Variants in RGS20 observed in about 807,000 individuals in gnomAD.
RGS20 encodes the protein regulator of G protein signaling 20.
RGS20 carries 30 observed loss-of-function variants against 33.6 expected under a neutral mutation model. The ratio of observed to expected loss-of-function variants is 0.89; its 90% CI spans 0.67 to 1.21. The LOEUF (loss-of-function observed/expected upper bound fraction) is 1.21. RGS20 is among the 50% of genes most tolerant of loss of function. RGS20 has a pLI of 0.00. For synonymous variants in RGS20, 208 were observed against 197.9 expected, an observed-to-expected ratio of 1.05 and a Z score of -0.43; for missense variants, 472 against 502.4, an observed-to-expected ratio of 0.94 and a Z score of 0.58.
rs140307987 is a variant in RGS20, at chr8:53,939,282, A to G, written c.511-294A>G. ...GCGTAGCACTGACTGCAGAGTCTTC[A>G]GTGCGTGTGTCTCTGTCTCCTTTAC... On this transcript the variant is annotated intron_variant, in intron 2 of 5. Coordinates refer to ENST00000297313, the MANE Select transcript of RGS20 (RefSeq NM_170587.4). Among the ~76,000 whole-genome samples the G allele has an allele frequency of 1.7e-4, 26 of 152,302 alleles. No homozygotes were observed. In the East Asian group the frequency reaches 5.0e-3, roughly 29 times the overall value.
intron 2 of RGS20, chr8:53,880,995 G>C (rs1812354596): frequency 5.0e-6 from 8 of 1,594,274 alleles, no homozygotes; most frequent in Non-Finnish European, 6.8e-6. Flanking sequence ...CTGCAATATT[G>C]AGAAGGCACC....
At chr8:53,928,707 T>C (rs879293956) in intron 2 of RGS20, among the ~76,000 whole-genome samples, 1 of 151,514 alleles carries the variant, frequency 6.6e-6, no homozygotes, top group Non-Finnish European at 1.5e-5. Context: ...CCTGTAATCC[T>C]AGCTACTCGG....
intron 1 of RGS20, among the ~76,000 whole-genome samples, chr8:53,868,754 A>G (rs928325745): frequency 1.3e-5 from 2 of 151,872 alleles, no homozygotes; most frequent in Non-Finnish European, 2.9e-5. Flanking sequence ...AGTTTGGACA[A>G]ATGCATTTTT....
At chr8:53,958,179 A>G (rs1174539995) in intron 5 of RGS20, 91 bp from the exon 5 acceptor site, 1 of 951,208 alleles carries the variant, frequency 1.1e-6, no homozygotes, top group African/African-American at 1.7e-5. Flanking sequence ...AAAAACAAAA[A>G]CAACAACAAA....
intron 1 of RGS20, chr8:53,852,152 T>G: frequency 8.2e-7 from 1 of 1,223,480 alleles, no homozygotes; most frequent in Non-Finnish European, 1.1e-6. Flanking sequence ...CAAGCTTTAG[T>G]GCCATTGCTC....
chr8:53,952,784 A>T (rs1814747824), intron 4 of RGS20, among the ~76,000 whole-genome samples: 1 of 152,178 alleles, frequency 6.6e-6, no homozygotes, highest in Admixed American at 6.5e-5. Flanking sequence ...TTACATACAT[A>T]CATTTGAAAC....
intron 2 of RGS20, among the ~76,000 whole-genome samples, chr8:53,882,707 T>C (rs1024026951): frequency 6.6e-6 from 1 of 151,058 alleles, no homozygotes; most frequent in African/African-American, 2.4e-5. Context: ...CGTTCCCCAG[T>C]CACCTGGCTG....
At chr8:53,893,221 C>T (rs544018694) in intron 2 of RGS20, among the ~76,000 whole-genome samples, 1 of 152,100 alleles carries the variant, frequency 6.6e-6, no homozygotes, top group Admixed American at 6.5e-5. Flanking sequence ...GTAATTTTAA[C>T]ATTATCTCCA....
intron 2 of RGS20, among the ~76,000 whole-genome samples, chr8:53,883,600 C>T (rs1812458751): frequency 6.6e-6 from 1 of 152,186 alleles, no homozygotes; most frequent in African/African-American, 2.4e-5. Flanking sequence ...TACTTATCCT[C>T]TCTGGGCGTT....
At chr8:53,953,968 A>G in intron 4 of RGS20, 108 bp from the exon 4 acceptor site, 1 of 818,450 alleles carries the variant, frequency 1.2e-6, no homozygotes, top group Non-Finnish European at 2.1e-6. Context: ...GCCTAAATGC[A>G]TATATTTTTC....
At chr8:53,920,368 A>G (rs1813607073) in intron 2 of RGS20, among the ~76,000 whole-genome samples, 1 of 152,104 alleles carries the variant, frequency 6.6e-6, no homozygotes, top group South Asian at 2.1e-4. Flanking sequence ...TTAATATTGT[A>G]TCCTGCAACT....
At chr8:53,957,469 C>T (rs1476309938) in intron 5 of RGS20, among the ~76,000 whole-genome samples, 1 of 152,264 alleles carries the variant, frequency 6.6e-6, no homozygotes, top group Non-Finnish European at 1.5e-5. Context: ...TTTGAGTCAA[C>T]TTCCACTTCA....
At chr8:53,910,493 G>A (rs1240005686) in intron 2 of RGS20, among the ~76,000 whole-genome samples, 1 of 152,120 alleles carries the variant, frequency 6.6e-6, no homozygotes, top group Admixed American at 6.6e-5. Context: ...CATTGCTGGT[G>A]GGAACAGAAA....
intron 2 of RGS20, among the ~76,000 whole-genome samples, chr8:53,885,059 C>G (rs1432914680): frequency 6.6e-6 from 1 of 152,146 alleles, no homozygotes; most frequent in Non-Finnish European, 1.5e-5. Context: ...TATAAGAAAG[C>G]CTTTTAGAAA....
chr8:53,948,156 T>C (rs1176887660), intron 4 of RGS20, among the ~76,000 whole-genome samples: 2 of 134,066 alleles, frequency 1.5e-5, no homozygotes, highest in Non-Finnish European at 3.0e-5. Context: ...ATAGTATATA[T>C]ATTTATATAT....
At position 53,899,673 on chromosome 8, in the gene RGS20, G is replaced by A. The variant is rs1331781521; in HGVS notation, c.510+20071G>A. The stretch of plus-strand genomic sequence containing the variant: ...ATATAGATGGGTTCATATGATACGT[G>A]GCCTTTTCTAGCTGGCTTCTCTCAC... On this transcript the variant is annotated intron_variant, in intron 2 of 5. Transcript: ENST00000297313. 2.0e-5 allele frequency among the ~76,000 whole-genome samples: 3 copies of A among 152,268 alleles called. No homozygotes were observed. In the East Asian group the frequency reaches 5.8e-4, roughly 29 times the overall value.
intron 2 of RGS20, among the ~76,000 whole-genome samples, chr8:53,932,528 A>T (rs1814001880): frequency 6.6e-6 from 1 of 152,202 alleles, no homozygotes; most frequent in Non-Finnish European, 1.5e-5. Flanking sequence ...TCGAACTAGG[A>T]GGAGCACACT....
At chr8:53,914,207 A>G (rs1367856698) in intron 2 of RGS20, among the ~76,000 whole-genome samples, 2 of 151,938 alleles carry the variant, frequency 1.3e-5, no homozygotes, top group East Asian at 1.9e-4. Context: ...ATTTTTAAAT[A>G]TTTGTAGAGA....
At chr8:53,913,883 A>C (rs1314046331) in intron 2 of RGS20, 1 of 152,278 alleles carries the variant, frequency 6.6e-6, no homozygotes, top group East Asian at 1.9e-4. Flanking sequence ...TTATTCTTAC[A>C]TAGAAATTGA....
Sources: gnomAD v4.1 joint callset for allele counts (sites outside exome capture counted in the v4.1 genomes callset) on GRCh38, gnomAD v4.1.1 for gene constraint, MANE v1.5 for transcripts, NCBI Gene and HGNC (gene_info 2026-07-23, HGNC 2026-07-21) for gene names.